NPAS3: variants seen among roughly 807,000 people sequenced by gnomAD.
The protein encoded by NPAS3 is neuronal PAS domain protein 3.
NPAS3 carries 14 observed loss-of-function variants against 73.1 expected under a neutral mutation model. The observed-to-expected ratio is 0.19, with a 90% confidence interval of 0.13 to 0.30. The LOEUF (loss-of-function observed/expected upper bound fraction) is 0.30. Among genes scored for constraint, NPAS3 ranks in the 10% least tolerant of loss-of-function variants. NPAS3 has a pLI of 1.00. For synonymous variants in NPAS3, 620 were observed against 541.5 expected (o/e 1.14, Z -2.01); for missense variants, 1,096 against 1,250.0 (o/e 0.88, Z 1.86).
At chr14:33,428,092 C>A (rs2048629740) in intron 4 of NPAS3, among the ~76,000 whole-genome samples, 1 of 151,960 alleles carries the variant, frequency 6.6e-6, no homozygotes, top group Non-Finnish European at 1.5e-5. Flanking sequence ...TAGAATATAC[C>A]TGAGGCCTTC....
intron 5 of NPAS3, among the ~76,000 whole-genome samples, chr14:33,647,910 A>G (rs2058880345): frequency 6.6e-6 from 1 of 152,204 alleles, no homozygotes; most frequent in Non-Finnish European, 1.5e-5. Flanking sequence ...ATTGTATAGA[A>G]CATCTTACTA....
intron 6 of NPAS3, among the ~76,000 whole-genome samples, chr14:33,689,455 C>G (rs1195371515): frequency 6.6e-6 from 1 of 152,028 alleles, no homozygotes; most frequent in East Asian, 1.9e-4. Context: ...GAAAGGGTGG[C>G]CAGGGGTTAG....
At position 33,683,182 on chromosome 14, in the gene NPAS3, G is replaced by A. The variant is rs559692791; in HGVS notation, c.733+6797G>A. On this transcript the variant is annotated intron_variant, in intron 6 of 11. Coordinates refer to ENST00000356141, the Ensembl canonical transcript of NPAS3. ...GTTTTGTTGAATAATAGAAGCACAGGCCTCTTATCAAAATATACAGTAGGT... is the reference window on the plus strand; with the variant it reads ...GTTTTGTTGAATAATAGAAGCACAGACCTCTTATCAAAATATACAGTAGGT... 3.9e-4 allele frequency among the ~76,000 whole-genome samples: 60 copies of A among 152,128 alleles called. 1 individual carries two copies. The highest frequency in any genetic ancestry group is 3.4e-3 in the Middle Eastern group (1 of 294).
chr14:33,560,329 C>A, intron 5 of NPAS3, 119 bp downstream of exon 5: 1 of 536,956 alleles, frequency 1.9e-6, no homozygotes, highest in Non-Finnish European at 3.4e-6. Context: ...TATTTAATGG[C>A]TTTACCTGAC....
Position 33,132,031 on chromosome 14 carries a change from G to T in NPAS3, c.140+76037G>T, listed in dbSNP as rs552212096. ...TGTCCTTAGGAGCTGAAACCACAGAGAAGAAAGAGCCATTATTTAAGTGGT... is the reference window on the plus strand; with the variant it reads ...TGTCCTTAGGAGCTGAAACCACAGATAAGAAAGAGCCATTATTTAAGTGGT... On this transcript the variant is annotated intron_variant, in intron 2 of 11. Transcript: ENST00000356141. Among the ~76,000 whole-genome samples the T allele has an allele frequency of 2.0e-5, 3 of 152,216 alleles. No homozygotes were observed. The South Asian group carries it at 6.2e-4, about 32-fold the overall frequency.
At chr14:33,450,123 A>AT (rs2049722985) in intron 4 of NPAS3, among the ~76,000 whole-genome samples, 2 of 152,212 alleles carry the variant, frequency 1.3e-5, no homozygotes, top group South Asian at 4.1e-4. Context: ...CTCATTGGAT[A>AT]TACTTCTTAC....
chr14:33,313,664 T>C (rs1275550780), intron 3 of NPAS3, among the ~76,000 whole-genome samples: 1 of 152,102 alleles, frequency 6.6e-6, no homozygotes, highest in African/African-American at 2.4e-5. Flanking sequence ...ATTGAAATTA[T>C]TTGATATTAT....
At chr14:33,336,434 C>T (rs1190108830) in intron 3 of NPAS3, among the ~76,000 whole-genome samples, 3 of 152,170 alleles carry the variant, frequency 2.0e-5, no homozygotes, top group Admixed American at 6.6e-5. Flanking sequence ...AGGGACTGCT[C>T]TTAGCTTCTA....
intron 3 of NPAS3, among the ~76,000 whole-genome samples, chr14:33,315,395 G>A (rs184148328): frequency 4.4e-4 from 67 of 152,084 alleles, no homozygotes; most frequent in African/African-American, 1.5e-3. Flanking sequence ...ACTTGAGAAT[G>A]AGGTCATTAA....
At chr14:33,433,748 A>C (rs989065336) in intron 4 of NPAS3, among the ~76,000 whole-genome samples, 1 of 152,242 alleles carries the variant, frequency 6.6e-6, no homozygotes, top group African/African-American at 2.4e-5. Flanking sequence ...CTTTGGAGTT[A>C]AGCCCTAACT....
intron 4 of NPAS3, among the ~76,000 whole-genome samples, chr14:33,515,355 C>T (rs1052119849): frequency 1.3e-5 from 2 of 152,010 alleles, no homozygotes; most frequent in Admixed American, 1.3e-4. Context: ...AATATATATG[C>T]ATGTATATAT....
intron 2 of NPAS3, among the ~76,000 whole-genome samples, chr14:33,144,799 G>A (rs1210331497): frequency 6.6e-6 from 1 of 151,924 alleles, no homozygotes; most frequent in Non-Finnish European, 1.5e-5. Flanking sequence ...TTGCTGCATT[G>A]CCCAGGCTGG....
chr14:33,580,761 C>T (rs566449141), intron 5 of NPAS3, among the ~76,000 whole-genome samples: 28 of 152,276 alleles, frequency 1.8e-4, no homozygotes, highest in African/African-American at 6.5e-4. Context: ...CGCTTTGTCT[C>T]ACTTTGTTGG....
At chr14:33,218,170 A>G (rs2047294334) in intron 3 of NPAS3, among the ~76,000 whole-genome samples, 2 of 152,148 alleles carry the variant, frequency 1.3e-5, no homozygotes, top group East Asian at 1.9e-4. Flanking sequence ...ACCTGGAAGG[A>G]GATAACAGAC....
chr14:33,642,742 A>AC (rs1425086663), intron 5 of NPAS3, among the ~76,000 whole-genome samples: 1 of 152,190 alleles, frequency 6.6e-6, no homozygotes, highest in Non-Finnish European at 1.5e-5. Context: ...TTACAAGGTC[A>AC]CAACAGAGCA....
chr14:33,408,591 G>A (rs772320555), intron 4 of NPAS3, among the ~76,000 whole-genome samples: 51 of 152,182 alleles, frequency 3.4e-4, no homozygotes, highest in South Asian at 2.3e-3. Context: ...TTATTAAACC[G>A]GAACAGAGAT....
intron 6 of NPAS3, among the ~76,000 whole-genome samples, chr14:33,719,329 C>G (rs1019772483): frequency 3.9e-5 from 6 of 152,124 alleles, no homozygotes; most frequent in African/African-American, 1.4e-4. Context: ...GTTCCTTGAT[C>G]CACCCAGTAA....
At chr14:33,680,372 G>GTAAAGACCACCA (rs1238733042) in intron 6 of NPAS3, among the ~76,000 whole-genome samples, 1 of 152,178 alleles carries the variant, frequency 6.6e-6, no homozygotes, top group Non-Finnish European at 1.5e-5. Context: ...GGAAAAAGGA[G>GTAAAGACCACCA]TAAAGACCAC....
In NPAS3 at chr14:33,800,395, C is replaced by T. The variant is rs780878323; in HGVS notation, c.2088C>T (p.Gly696=). The change falls in exon 12 of 12, where the codon GGC becomes GGT. Residue 696 remains glycine, a synonymous_variant. Transcript: ENST00000356141. The surrounding 1 kb of genome is among the most constrained non-coding windows in gnomAD (Gnocchi z 6.5). The stretch of plus-strand genomic sequence containing the variant: ...CTGAGCACTTCCCGTCCCCGCAGGG[C>T]GGCGGCGGTGGGGGTGGCGGTGGCG... The T allele has an allele frequency of 1.3e-6, 2 of 1,597,946 alleles. No individual in the cohort carries two copies. The highest frequency in any genetic ancestry group is 1.7e-6 in the Non-Finnish European group (2 of 1,172,828).
Sources: allele counts gnomAD v4.1 joint callset (sites outside exome capture counted in the v4.1 genomes callset), GRCh38; gene constraint gnomAD v4.1.1; non-coding constraint Gnocchi (gnomAD v3.1); transcripts MANE v1.5; gene names NCBI Gene and HGNC (gene_info 2026-07-23, HGNC 2026-07-21).